Variants in EDA observed in about 807,000 individuals in gnomAD.
EDA encodes the protein ectodysplasin A.
A neutral mutation model predicts 23.6 loss-of-function variants in EDA; 2 were observed. The ratio of observed to expected loss-of-function variants is 0.08; its 90% CI spans 0.03 to 0.27. The LOEUF (loss-of-function observed/expected upper bound fraction) is 0.27. EDA is among the 10% of genes least tolerant of loss of function. The pLI is 1.00. For missense variants in EDA, 229 were observed against 324.2 expected, an observed-to-expected ratio of 0.71 and a Z score of 2.26; for synonymous variants, 131 against 132.0, an observed-to-expected ratio of 0.99 and a Z score of 0.05.
intron 1 of EDA, among the ~76,000 whole-genome samples, chrX:69,678,018 C>G (rs1602282478): frequency 9.0e-6 from 1 of 110,708 alleles, no homozygotes; most frequent in Admixed American, 9.6e-5. Flanking sequence ...AGGAAGGGAC[C>G]CAGTTTCAGC....
intron 1 of EDA, among the ~76,000 whole-genome samples, chrX:69,797,839 G>C (rs1400543620): frequency 1.8e-5 from 2 of 111,821 alleles, no homozygotes; most frequent in Non-Finnish European, 3.8e-5. Flanking sequence ...GAATGTAAAT[G>C]TATTAAATTC....
intron 2 of EDA, among the ~76,000 whole-genome samples, chrX:69,970,461 G>A (rs1023558321): frequency 9.0e-6 from 1 of 110,865 alleles, no homozygotes; most frequent in Non-Finnish European, 1.9e-5. Flanking sequence ...GTTATGAGTC[G>A]AATGAATGAG....
At chrX:70,022,486 A>G (rs1264802984) in intron 2 of EDA, among the ~76,000 whole-genome samples, 2 of 109,133 alleles carry the variant, frequency 1.8e-5, no homozygotes, top group East Asian at 5.7e-4. Flanking sequence ...ACAGGCGCCC[A>G]CCACCACGCC....
rs184037740 is a variant in EDA, at chrX:69,856,373, G to C, written c.397-100654G>C. On this transcript the variant is annotated intron_variant, in intron 1 of 7. Transcript: ENST00000374552. ...ATAATGTCTTATTTTCCTCGAGGTA[G>C]ATACCCAGTAGTGGGATTGCTGTAT... 2.4e-3 allele frequency among the ~76,000 whole-genome samples: 252 copies of C among 106,122 alleles called. 10 individuals carry two copies. The South Asian group carries it at 0.087, about 37-fold the overall frequency. The allele number at this position is 106,122 out of a possible 115,157, so 92.2% of individuals were successfully genotyped here. A position where few individuals can be genotyped will look rare whatever the true frequency, so the allele number is the denominator to read the frequency against.
chrX:69,846,960 G>C (rs1301448021), intron 1 of EDA, among the ~76,000 whole-genome samples: 7 of 111,675 alleles, frequency 6.3e-5, no homozygotes, highest in Non-Finnish European at 1.3e-4. Context: ...GAAGAGAGCA[G>C]AAAATTTTGA....
intron 1 of EDA, among the ~76,000 whole-genome samples, chrX:69,712,894 G>T (rs1162954830): frequency 9.0e-6 from 1 of 110,968 alleles, no homozygotes; most frequent in African/African-American, 3.3e-5. Context: ...AAAAAATGAT[G>T]AGTTCATGTC....
intron 1 of EDA, among the ~76,000 whole-genome samples, chrX:69,774,406 C>T (rs145376893): frequency 0.015 from 1,722 of 111,548 alleles, 31 homozygotes; most frequent in African/African-American, 0.054. Flanking sequence ...CTAATCTCTA[C>T]TTGGGTTCTT....
chrX:69,681,121 C>G (rs1167350196), intron 1 of EDA, among the ~76,000 whole-genome samples: 1 of 111,168 alleles, frequency 9.0e-6, no homozygotes, highest in African/African-American at 3.3e-5. Flanking sequence ...GTTGAAGATT[C>G]TTTTCTTTAA....
At chrX:69,774,523 C>G (rs1399878191) in intron 1 of EDA, among the ~76,000 whole-genome samples, 6 of 111,492 alleles carry the variant, frequency 5.4e-5, no homozygotes, top group Non-Finnish European at 1.1e-4. Flanking sequence ...CTTTTGTTAC[C>G]TGATGTTCAG....
At chrX:69,976,767 A>AG (rs963136651) in intron 2 of EDA, among the ~76,000 whole-genome samples, 6 of 86,656 alleles carry the variant, frequency 6.9e-5, no homozygotes, top group East Asian at 3.7e-4. Flanking sequence ...TGACAGGGGG[A>AG]GGGGGGGTGG....
intron 2 of EDA, among the ~76,000 whole-genome samples, chrX:70,001,938 T>C (rs369709432): frequency 2.6e-3 from 295 of 111,547 alleles, no homozygotes; most frequent in African/African-American, 8.3e-3. Context: ...CTGGGAAGGT[T>C]TGAAAAATCC....
intron 2 of EDA, among the ~76,000 whole-genome samples, chrX:70,012,802 C>T (rs754000215): frequency 9.0e-6 from 1 of 111,522 alleles, no homozygotes; most frequent in African/African-American, 3.3e-5. Flanking sequence ...TGCTATTCCT[C>T]ACTGAGCAAG....
At chrX:69,701,725 T>A (rs1280693371) in intron 1 of EDA, among the ~76,000 whole-genome samples, 2 of 110,759 alleles carry the variant, frequency 1.8e-5, no homozygotes, top group Non-Finnish European at 3.8e-5. Flanking sequence ...GAGAAAAAGG[T>A]CTGGGTTTTC....
At chrX:69,853,461 G>A (rs1217718188) in intron 1 of EDA, among the ~76,000 whole-genome samples, 2 of 111,196 alleles carry the variant, frequency 1.8e-5, no homozygotes, top group East Asian at 5.7e-4. Flanking sequence ...TAAAATGGGG[G>A]AAAGGCAATA....
intron 1 of EDA, among the ~76,000 whole-genome samples, chrX:69,821,470 A>G (rs943166132): frequency 8.9e-6 from 1 of 112,409 alleles, no homozygotes; most frequent in Non-Finnish European, 1.9e-5. Context: ...TTGAATTTCC[A>G]AAATTTTCAA....
chrX:69,835,341 A>G (rs765380324), intron 1 of EDA, among the ~76,000 whole-genome samples: 32 of 112,232 alleles, frequency 2.9e-4, no homozygotes, highest in African/African-American at 9.7e-4. Context: ...CATCACTTTC[A>G]GGTACACCAG....
At chrX:69,625,312 A>G in intron 1 of EDA, among the ~76,000 whole-genome samples, 1 of 111,430 alleles carries the variant, frequency 9.0e-6, no homozygotes. Flanking sequence ...GCTTAAACCT[A>G]AAAAGTAAGT....
intron 1 of EDA, among the ~76,000 whole-genome samples, chrX:69,728,915 T>C: frequency 9.0e-6 from 1 of 111,597 alleles, no homozygotes; most frequent in East Asian, 2.8e-4. Context: ...ATATAGAGTG[T>C]ACCCCCAATG....
At chrX:69,873,954 A>C (rs1053811378) in intron 1 of EDA, among the ~76,000 whole-genome samples, 5 of 112,200 alleles carry the variant, frequency 4.5e-5, no homozygotes, top group Non-Finnish European at 7.5e-5. Flanking sequence ...ATCCAACAGA[A>C]TATCAAAAAG....
Sources: allele counts gnomAD v4.1 joint callset (sites outside exome capture counted in the v4.1 genomes callset), GRCh38; gene constraint gnomAD v4.1.1; transcripts MANE v1.5; gene names NCBI Gene and HGNC (gene_info 2026-07-23, HGNC 2026-07-21).